Variants in ANK2 observed in about 807,000 individuals in gnomAD.
The protein encoded by ANK2 is ankyrin-2.
ANK2 carries 83 observed loss-of-function variants against 360.5 expected under a neutral mutation model. The observed-to-expected ratio is 0.23, with a 90% CI of 0.19 to 0.28. The LOEUF (loss-of-function observed/expected upper bound fraction) is 0.28, where lower values mean the gene tolerates loss of function less well. ANK2 is among the 10% of genes least tolerant of loss of function. The pLI, the probability that ANK2 is intolerant of heterozygous loss-of-function variation, is 1.00. For missense variants in ANK2, 4,201 were observed against 4,795.7 expected (o/e 0.88, Z 3.66); for synonymous variants, 1,740 against 1,759.5 (o/e 0.99, Z 0.28).
At chr4:112,917,092 G>C (rs1167503566) in intron 2 of ANK2, among the ~76,000 whole-genome samples, 1 of 152,222 alleles carries the variant, frequency 6.6e-6, no homozygotes, top group African/African-American at 2.4e-5. Flanking sequence ...TTCCAGAGCA[G>C]CAAGTCATTC....
intron 1 of ANK2, among the ~76,000 whole-genome samples, chr4:112,892,609 T>G (rs1446723910): frequency 1.3e-5 from 2 of 152,242 alleles, no homozygotes; most frequent in African/African-American, 4.8e-5. Context: ...GATATGGACT[T>G]GCTATGAATG....
At chr4:113,234,703 G>T (rs1045043134) in intron 5 of ANK2, among the ~76,000 whole-genome samples, 1 of 152,128 alleles carries the variant, frequency 6.6e-6, no homozygotes, top group African/African-American at 2.4e-5. Flanking sequence ...AAAAATTAAT[G>T]ACTAATCAAG....
At chr4:113,289,467 A>C (rs1463080451) in intron 20 of ANK2, among the ~76,000 whole-genome samples, 2 of 152,056 alleles carry the variant, frequency 1.3e-5, no homozygotes, top group African/African-American at 4.8e-5. Flanking sequence ...CACCTTGGCC[A>C]ACCAAAGTGC....
intron 5 of ANK2, among the ~76,000 whole-genome samples, chr4:113,236,737 T>C (rs536957455): frequency 1.3e-5 from 2 of 152,214 alleles, no homozygotes; most frequent in Non-Finnish European, 2.9e-5. Flanking sequence ...ACATCCTGTA[T>C]GTAATATGTT....
In ANK2 at chr4:113,156,727, A is replaced by T. The variant is rs145864324; in HGVS notation, c.85-17689A>T. ...TGCAGTGTTAAGTTTGACTAATGGG[A>T]TTATGGTTGCTAACCGTAATTTTGT... On this transcript the variant is annotated intron_variant, in intron 1 of 45. Transcript: ENST00000357077. Among the ~76,000 whole-genome samples, 1,310 of 151,646 alleles carry T rather than the reference A, an allele frequency of 8.6e-3. 7 individuals carry two copies. The highest frequency in any genetic ancestry group is 0.013 in the Non-Finnish European group (869 of 67,922).
chr4:112,816,387 G>T (rs2055636358), upstream of ANK2, among the ~76,000 whole-genome samples: 1 of 151,946 alleles, frequency 6.6e-6, no homozygotes, highest in Non-Finnish European at 1.5e-5. Context: ...GTCAACTCAG[G>T]GGAAAATATC....
intron 2 of ANK2, among the ~76,000 whole-genome samples, chr4:113,013,972 T>C (rs2055665235): frequency 6.6e-6 from 1 of 152,200 alleles, no homozygotes. Flanking sequence ...TGCAACTGTT[T>C]CATTCCAATC....
the ANK2 span, among the ~76,000 whole-genome samples, chr4:112,795,816 T>TTTTGG: frequency 6.7e-6 from 1 of 148,588 alleles, no homozygotes; most frequent in Admixed American, 6.8e-5. Context: ...TTTTTTTTTT[T>TTTTGG]GAGACAGGTT....
the ANK2 span, among the ~76,000 whole-genome samples, chr4:112,767,147 C>T: frequency 6.6e-6 from 1 of 152,096 alleles, no homozygotes; most frequent in Non-Finnish European, 1.5e-5. Context: ...TAATTAAATT[C>T]CACAGGTATT....
intron 1 of ANK2, among the ~76,000 whole-genome samples, chr4:113,085,291 T>C (rs1391778820): frequency 6.6e-6 from 1 of 152,148 alleles, no homozygotes; most frequent in Non-Finnish European, 1.5e-5. Context: ...TGACAGATAT[T>C]AAGATATTAA....
intron 2 of ANK2, among the ~76,000 whole-genome samples, chr4:113,002,245 A>T (rs900194361): frequency 6.6e-6 from 1 of 152,316 alleles, no homozygotes; most frequent in African/African-American, 2.4e-5. Flanking sequence ...TCATGCTGCT[A>T]TAAAGACACA....
In ANK2 at chr4:112,861,082, C is replaced by T. The variant is rs1463629274; in HGVS notation, c.-40+42818C>T. ...AAAGAATTGTCTCTACACTCTGATG[C>T]GGGGATATGCAGGAGGAGCCCAGGA... On this transcript the variant is annotated intron_variant, in intron 1 of 30. Coordinates refer to the ANK2 transcript ENST00000503271. Among the ~76,000 whole-genome samples, 4 of 152,088 alleles carry T rather than the reference C, an allele frequency of 2.6e-5. No homozygotes were observed. In the East Asian group the frequency reaches 5.8e-4, roughly 22 times the overall value.
intron 1 of ANK2, among the ~76,000 whole-genome samples, chr4:113,146,359 CT>C (rs907181479): frequency 9.9e-5 from 15 of 152,274 alleles, no homozygotes; most frequent in Admixed American, 5.9e-4. Flanking sequence ...CTGTCAAATT[CT>C]TTCGCCTATT....
At chr4:113,116,699 G>GGCA (rs370654108) in intron 1 of ANK2, among the ~76,000 whole-genome samples, 79 of 151,752 alleles carry the variant, frequency 5.2e-4, no homozygotes, top group African/African-American at 9.7e-4. Context: ...GCAGTAGCAC[G>GGCA]GCAGCAGCAG....
chr4:112,911,031 C>T (rs997437715), intron 2 of ANK2, among the ~76,000 whole-genome samples: 1 of 147,242 alleles, frequency 6.8e-6, no homozygotes, highest in African/African-American at 2.5e-5. Context: ...GATCTCAGCT[C>T]ACTGCAACGT....
At chr4:112,802,175 G>T in the ANK2 span, among the ~76,000 whole-genome samples, 1 of 151,712 alleles carries the variant, frequency 6.6e-6, no homozygotes, top group Non-Finnish European at 1.5e-5. Flanking sequence ...TAGATTTGAG[G>T]TATTTGTGCA....
intron 1 of ANK2, among the ~76,000 whole-genome samples, chr4:113,124,492 G>T (rs946734924): frequency 8.6e-5 from 13 of 152,026 alleles, no homozygotes; most frequent in Admixed American, 1.3e-4. Context: ...TTGTTTGGTT[G>T]GTTGGTCAGT....
the ANK2 span, among the ~76,000 whole-genome samples, chr4:112,805,419 C>T: frequency 6.6e-5 from 10 of 152,100 alleles, no homozygotes; most frequent in African/African-American, 4.8e-5. Flanking sequence ...GCCAACAAGT[C>T]AGTCAACAGA....
At chr4:112,805,069 A>G in the ANK2 span, among the ~76,000 whole-genome samples, 1 of 152,170 alleles carries the variant, frequency 6.6e-6, no homozygotes, top group African/African-American at 2.4e-5. Flanking sequence ...ACCCAGGAAG[A>G]ATAGGTTGGA....
Sources: allele counts gnomAD v4.1 joint callset (sites outside exome capture counted in the v4.1 genomes callset), GRCh38; gene constraint gnomAD v4.1.1; transcripts MANE v1.5; gene names NCBI Gene and HGNC (gene_info 2026-07-23, HGNC 2026-07-21).